ARHGAP6: variants seen among roughly 807,000 people sequenced by gnomAD.
ARHGAP6 encodes rho GTPase-activating protein 6.
In ARHGAP6, 16 loss-of-function variants were observed where a neutral mutation model predicts 55.7. That is an observed-to-expected ratio of 0.29 (90% CI 0.19 to 0.44). ARHGAP6 has a LOEUF of 0.44. Ranked by LOEUF, ARHGAP6 falls within the 20% of genes least tolerant of loss-of-function variation. The pLI, the probability that ARHGAP6 is intolerant of heterozygous loss-of-function variation, is 1.00. For synonymous variants in ARHGAP6, 382 were observed against 360.9 expected (o/e 1.06, Z -0.66); for missense variants, 698 against 808.9 (o/e 0.86, Z 1.66).
intron 1 of ARHGAP6, among the ~76,000 whole-genome samples, chrX:11,325,748 T>C (rs2048489631): frequency 1.8e-5 from 2 of 112,664 alleles, no homozygotes; most frequent in South Asian, 7.3e-4. Flanking sequence ...GCTATTTTGC[T>C]AGAAATATGC....
chrX:11,529,185 G>A (rs1330728268), intron 1 of ARHGAP6, among the ~76,000 whole-genome samples: 1 of 111,485 alleles, frequency 9.0e-6, no homozygotes, highest in Non-Finnish European at 1.9e-5. Context: ...CTATTAACAG[G>A]CACTGTCACC....
chrX:11,358,468 TCTTTCTTTCTTTCTTTC>T (rs1373956726), intron 1 of ARHGAP6, among the ~76,000 whole-genome samples: 4 of 97,005 alleles, frequency 4.1e-5, no homozygotes, highest in African/African-American at 1.2e-4. Flanking sequence ...TTTCTTTCTT[TCTTTCTTTCTTTCTTTC>T]TTTTTTTTTT....
intron 1 of ARHGAP6, among the ~76,000 whole-genome samples, chrX:11,529,946 A>G (rs2051030670): frequency 1.8e-5 from 2 of 111,788 alleles, no homozygotes; most frequent in Admixed American, 1.9e-4. Context: ...AATACTCTCC[A>G]AAGAAGGACA....
intron 1 of ARHGAP6, among the ~76,000 whole-genome samples, chrX:11,544,423 C>G (rs1018772556): frequency 8.9e-6 from 1 of 111,967 alleles, no homozygotes; most frequent in Admixed American, 9.5e-5. Flanking sequence ...TTAAACCATG[C>G]CAAAAATCTG....
At chrX:11,261,109 C>G (rs1278377379) in intron 1 of ARHGAP6, among the ~76,000 whole-genome samples, 1 of 111,854 alleles carries the variant, frequency 8.9e-6, no homozygotes, top group African/African-American at 3.3e-5. Context: ...CCAACCCATA[C>G]AATGTTGTAT....
At chrX:11,322,865 C>A (rs1225386745) in intron 1 of ARHGAP6, among the ~76,000 whole-genome samples, 1 of 112,195 alleles carries the variant, frequency 8.9e-6, no homozygotes. Context: ...AGGATTCTCA[C>A]CCAGAAGTTG....
chrX:11,631,044 T>C (rs941954335), intron 1 of ARHGAP6, among the ~76,000 whole-genome samples: 7 of 110,484 alleles, frequency 6.3e-5, no homozygotes, highest in Non-Finnish European at 1.1e-4. Context: ...GAGTTGATGA[T>C]TGTCTCTATG....
intron 9 of ARHGAP6, among the ~76,000 whole-genome samples, chrX:11,165,587 A>T (rs2046006860): frequency 8.9e-6 from 1 of 112,105 alleles, no homozygotes; most frequent in Admixed American, 9.5e-5. Flanking sequence ...TCTAATTCTT[A>T]TAACAGTCCT....
At chrX:11,224,664 G>GT (rs994208638) in intron 2 of ARHGAP6, among the ~76,000 whole-genome samples, 13 of 110,498 alleles carry the variant, frequency 1.2e-4, no homozygotes, top group Middle Eastern at 4.6e-3. Flanking sequence ...GTTGGTGGAG[G>GT]GGGGGCGGTT....
chrX:11,304,783 T>A (rs1243068324), intron 1 of ARHGAP6, among the ~76,000 whole-genome samples: 44 of 72,283 alleles, frequency 6.1e-4, no homozygotes, highest in African/African-American at 2.4e-3. Flanking sequence ...TTTACTTTTT[T>A]TTTTTTTTTT....
intron 1 of ARHGAP6, among the ~76,000 whole-genome samples, chrX:11,482,146 G>T (rs1056680219): frequency 3.6e-5 from 4 of 112,205 alleles, no homozygotes; most frequent in Non-Finnish European, 5.6e-5. Flanking sequence ...GGCTTCAAGT[G>T]GAGAGGGGCC....
chrX:11,577,069 G>A (rs2051607924), intron 1 of ARHGAP6, among the ~76,000 whole-genome samples: 1 of 111,931 alleles, frequency 8.9e-6, no homozygotes, highest in Non-Finnish European at 1.9e-5. Flanking sequence ...GAGCCCTTGT[G>A]ATTACAATGG....
intron 1 of ARHGAP6, among the ~76,000 whole-genome samples, chrX:11,424,972 T>A (rs948319076): frequency 3.0e-4 from 34 of 112,372 alleles, no homozygotes; most frequent in Non-Finnish European, 5.1e-4. Context: ...GAGTGAGATG[T>A]CCATAGCAAC....
At chrX:11,238,263 A>G (rs1050475774) in intron 2 of ARHGAP6, among the ~76,000 whole-genome samples, 2 of 112,656 alleles carry the variant, frequency 1.8e-5, no homozygotes, top group African/African-American at 3.2e-5. Flanking sequence ...ACACAATAGC[A>G]ATTTTCTTTA....
At chrX:11,270,587 G>A (rs937925519) in intron 1 of ARHGAP6, among the ~76,000 whole-genome samples, 2 of 112,144 alleles carry the variant, frequency 1.8e-5, no homozygotes, top group African/African-American at 3.2e-5. Context: ...TCAGTTTTAG[G>A]TAGGGGTGTA....
intron 1 of ARHGAP6, among the ~76,000 whole-genome samples, chrX:11,583,745 CT>C (rs746034198): frequency 9.0e-6 from 1 of 110,784 alleles, no homozygotes; most frequent in African/African-American, 3.3e-5. Flanking sequence ...TAACAGAATT[CT>C]CTATGTATTT....
chrX:11,592,591 A>G (rs2051849203), intron 1 of ARHGAP6, among the ~76,000 whole-genome samples: 2 of 111,478 alleles, frequency 1.8e-5, no homozygotes, highest in African/African-American at 6.5e-5. Context: ...ATATCATTAT[A>G]TAGTATTATA....
chrX:11,214,550 G>A (rs947477346), intron 2 of ARHGAP6, among the ~76,000 whole-genome samples: 2 of 112,562 alleles, frequency 1.8e-5, no homozygotes, highest in Non-Finnish European at 3.8e-5. Context: ...GGGTCCCCTG[G>A]CACTCCCCAC....
intron 1 of ARHGAP6, among the ~76,000 whole-genome samples, chrX:11,597,047 G>A (rs972386307): frequency 9.0e-6 from 1 of 111,356 alleles, no homozygotes; most frequent in Non-Finnish European, 1.9e-5. Context: ...AGGCAAACTG[G>A]GATAGTTGGT....
Sources: allele counts gnomAD v4.1 joint callset (sites outside exome capture counted in the v4.1 genomes callset), GRCh38; gene constraint gnomAD v4.1.1; transcripts MANE v1.5; gene names NCBI Gene and HGNC (gene_info 2026-07-23, HGNC 2026-07-21).